The following NALF1 variants were observed in gnomAD, a reference collection of about 807,000 sequenced individuals.
NALF1 encodes family with sequence similarity 155 member A.
A neutral mutation model predicts 48.4 loss-of-function variants in NALF1; 3 were observed. The observed-to-expected ratio is 0.06, with a 90% CI of 0.03 to 0.16. The LOEUF (loss-of-function observed/expected upper bound fraction) is 0.16. Ranked by LOEUF, NALF1 falls within the 10% of genes least tolerant of loss-of-function variation. NALF1 has a pLI of 1.00. For synonymous variants in NALF1, 262 were observed against 245.7 expected, an observed-to-expected ratio of 1.07 and a Z score of -0.62; for missense variants, 526 against 571.5, an observed-to-expected ratio of 0.92 and a Z score of 0.81.
rs1458404533 is a variant in NALF1 at position 107,696,763 on chromosome 13, T to C, written c.915+168919A>G. Among the ~76,000 whole-genome samples, 6 of 152,290 alleles carry C rather than the reference T, an allele frequency of 3.9e-5. No individual in the cohort carries two copies. The East Asian group carries it at 1.2e-3, about 29-fold the overall frequency. On this transcript the variant is annotated intron_variant, in intron 1 of 2. Transcript: ENST00000375915. ...TATTTCAGTTTTCTAATTTAGATGG[T>C]GTTTCAATTTGGAAACATTTGCATA... is the stretch of plus-strand genomic sequence containing the variant.
intron 1 of NALF1, among the ~76,000 whole-genome samples, chr13:107,521,487 T>C (rs921539923): frequency 1.3e-5 from 2 of 152,216 alleles, no homozygotes; most frequent in Non-Finnish European, 2.9e-5. Flanking sequence ...TTCATTATAG[T>C]TTCATACAAA....
At chr13:107,579,890 G>A (rs1425294682) in intron 1 of NALF1, among the ~76,000 whole-genome samples, 1 of 151,700 alleles carries the variant, frequency 6.6e-6, no homozygotes, top group Non-Finnish European at 1.5e-5. Flanking sequence ...TCAGTGTGGC[G>A]ATTCCTCAGG....
chr13:107,171,053 C>A (rs1878793783), intron 2 of NALF1, among the ~76,000 whole-genome samples: 3 of 152,168 alleles, frequency 2.0e-5, no homozygotes. Context: ...TAGAAGATTT[C>A]ATTAAGTCAA....
chr13:107,544,609 C>G (rs1030180930), intron 1 of NALF1, among the ~76,000 whole-genome samples: 1 of 152,116 alleles, frequency 6.6e-6, no homozygotes, highest in Non-Finnish European at 1.5e-5. Flanking sequence ...GGCCAAAATG[C>G]CACCACGGGC....
intron 2 of NALF1, among the ~76,000 whole-genome samples, chr13:107,206,258 T>C (rs1050064057): frequency 6.6e-6 from 1 of 152,130 alleles, no homozygotes; most frequent in Non-Finnish European, 1.5e-5. Context: ...TCCTTTTATC[T>C]CCTAAGACAG....
chr13:107,680,264 A>G (rs576964592), intron 1 of NALF1, among the ~76,000 whole-genome samples: 1 of 152,328 alleles, frequency 6.6e-6, no homozygotes, highest in African/African-American at 2.4e-5. Context: ...ACAGATGCCA[A>G]CCATGACTGT....
At chr13:107,269,303 G>A (rs993553080) in intron 1 of NALF1, among the ~76,000 whole-genome samples, 1 of 152,090 alleles carries the variant, frequency 6.6e-6, no homozygotes, top group African/African-American at 2.4e-5. Context: ...GGAGGAAAAT[G>A]GGTAGATTTG....
In NALF1 at chr13:107,287,072, TA is replaced by T. The variant is rs147948415; in HGVS notation, c.916-76318del. ...GTAGGTGAGTTTCACCGAAATAAATTATTCTTAAAATTGACATGCACGCATA... is the reference window on the plus strand; with the variant it reads ...GTAGGTGAGTTTCACCGAAATAAATTTTCTTAAAATTGACATGCACGCATA... On this transcript the variant is annotated intron_variant, in intron 1 of 2. Transcript: ENST00000375915. 4.7e-3 allele frequency among the ~76,000 whole-genome samples: 712 copies of T among 152,336 alleles called. 10 individuals are homozygous for T. The highest frequency in any genetic ancestry group is 8.3e-3 in the Non-Finnish European group (563 of 68,034).
At chr13:107,480,222 T>C (rs571677165) in intron 1 of NALF1, among the ~76,000 whole-genome samples, 2 of 152,232 alleles carry the variant, frequency 1.3e-5, no homozygotes, top group African/African-American at 4.8e-5. Context: ...CTCCAGTAAA[T>C]GTACCAAGAA....
chr13:107,341,281 G>T (rs1485066855), intron 1 of NALF1, among the ~76,000 whole-genome samples: 4 of 151,992 alleles, frequency 2.6e-5, no homozygotes, highest in Non-Finnish European at 5.9e-5. Flanking sequence ...TTCATTTTTG[G>T]TATGTTTGAA....
At chr13:107,188,434 A>T (rs1412908819) in intron 2 of NALF1, among the ~76,000 whole-genome samples, 1 of 151,502 alleles carries the variant, frequency 6.6e-6, no homozygotes, top group South Asian at 2.1e-4. Context: ...CTAGAAAAAA[A>T]AAGTTCAAAT....
rs143201791 is a variant in NALF1 at position 107,540,049 on chromosome 13, T to TACACACACACAC, written c.915+325621_915+325632dup. On this transcript the variant is annotated intron_variant, in intron 1 of 2. Coordinates refer to ENST00000375915, the MANE Select transcript of NALF1 (RefSeq NM_001080396.3). The stretch of plus-strand genomic sequence containing the variant: ...AATAGATACCCATCAGCTTCTGATG[T>TACACACACACAC]ACACACACACACACACACACATACA... 6.8e-3 allele frequency among the ~76,000 whole-genome samples: 1,014 copies of TACACACACACAC among 149,482 alleles called. 12 individuals are homozygous for TACACACACACAC. The highest frequency in any genetic ancestry group is 0.018 in the African/African-American group (736 of 40,772).
intron 1 of NALF1, among the ~76,000 whole-genome samples, chr13:107,333,462 G>A (rs1454989245): frequency 7.9e-5 from 12 of 152,170 alleles, no homozygotes. Context: ...CAGCAGGGAG[G>A]GCATGGCTCT....
At chr13:107,618,705 A>G (rs1326685208) in intron 1 of NALF1, among the ~76,000 whole-genome samples, 1 of 152,142 alleles carries the variant, frequency 6.6e-6, no homozygotes, top group Admixed American at 6.5e-5. Context: ...AAGACTGTGA[A>G]GGAAATGAAG....
At chr13:107,310,589 G>A (rs1253566649) in intron 1 of NALF1, among the ~76,000 whole-genome samples, 5 of 151,744 alleles carry the variant, frequency 3.3e-5, no homozygotes, top group Admixed American at 3.3e-4. Flanking sequence ...AACTAGAAGA[G>A]GAACAACAAA....
intron 1 of NALF1, among the ~76,000 whole-genome samples, chr13:107,327,573 T>G (rs1882387590): frequency 6.6e-6 from 1 of 152,204 alleles, no homozygotes; most frequent in Non-Finnish European, 1.5e-5. Flanking sequence ...ATATGGTAAT[T>G]TATCTGGCTT....
intron 1 of NALF1, among the ~76,000 whole-genome samples, chr13:107,811,271 T>C (rs947459320): frequency 6.6e-6 from 1 of 152,182 alleles, no homozygotes; most frequent in Non-Finnish European, 1.5e-5. Flanking sequence ...ACTTGTGCTG[T>C]TTCCTCAGGG....
intron 1 of NALF1, among the ~76,000 whole-genome samples, chr13:107,363,601 T>G (rs1883103001): frequency 1.3e-5 from 2 of 152,188 alleles, no homozygotes; most frequent in African/African-American, 2.4e-5. Context: ...ATGGACTGTT[T>G]AAATCAAAGC....
intron 1 of NALF1, among the ~76,000 whole-genome samples, chr13:107,726,879 C>T (rs1053223833): frequency 6.6e-6 from 1 of 150,656 alleles, no homozygotes; most frequent in Non-Finnish European, 1.5e-5. Flanking sequence ...GCTGGGATTA[C>T]AGGCATGAGA....
Sources: allele counts gnomAD v4.1 joint callset (sites outside exome capture counted in the v4.1 genomes callset), GRCh38; gene constraint gnomAD v4.1.1; transcripts MANE v1.5; gene names NCBI Gene and HGNC (gene_info 2026-07-23, HGNC 2026-07-21).